Variants in PTPRQ observed in about 807,000 individuals in gnomAD.
PTPRQ encodes the protein protein tyrosine phosphatase receptor type Q, also known as phosphatidylinositol phosphatase PTPRQ.
PTPRQ carries 199 observed loss-of-function variants against 246.0 expected under a neutral mutation model. That is an observed-to-expected ratio of 0.81 (90% CI 0.72 to 0.91). PTPRQ has a LOEUF of 0.91. Among genes scored for constraint, PTPRQ ranks in the 40% least tolerant of loss-of-function variants. The pLI, the probability that PTPRQ is intolerant of heterozygous loss-of-function variation, is 0.00. For synonymous variants in PTPRQ, 869 were observed against 853.2 expected (o/e 1.02, Z -0.32); for missense variants, 2,624 against 2,528.4 (o/e 1.04, Z -0.81).
At chr12:80,460,441 G>A (rs973958870) in intron 5 of PTPRQ, among the ~76,000 whole-genome samples, 2 of 152,092 alleles carry the variant, frequency 1.3e-5, no homozygotes, top group Non-Finnish European at 2.9e-5. Flanking sequence ...ATTCGTAAAG[G>A]TTAAGGTATA....
chr12:80,530,156 A>G (rs1163958545), intron 17 of PTPRQ, among the ~76,000 whole-genome samples: 1 of 152,064 alleles, frequency 6.6e-6, no homozygotes, highest in Non-Finnish European at 1.5e-5. Flanking sequence ...TCTAGTGAAT[A>G]ATTTCCTGGA....
intron 17 of PTPRQ, among the ~76,000 whole-genome samples, chr12:80,524,902 G>A (rs543432093): frequency 2.6e-5 from 4 of 152,192 alleles, no homozygotes; most frequent in African/African-American, 9.6e-5. Context: ...GTTATAATTG[G>A]CCTTTGTTCT....
At chr12:80,554,721 A>G (rs1896593332) in intron 25 of PTPRQ, among the ~76,000 whole-genome samples, 1 of 152,056 alleles carries the variant, frequency 6.6e-6, no homozygotes, top group Admixed American at 6.6e-5. Context: ...CTTGGCATGT[A>G]TTCAATTTAA....
chr12:80,516,530 T>C (rs939541589), intron 17 of PTPRQ, among the ~76,000 whole-genome samples: 7 of 152,158 alleles, frequency 4.6e-5, no homozygotes, highest in African/African-American at 1.7e-4. Flanking sequence ...TGTGAAATAA[T>C]TGAAAAACAC....
chr12:80,564,469 A>C (rs1003596160), intron 25 of PTPRQ, among the ~76,000 whole-genome samples: 1 of 152,186 alleles, frequency 6.6e-6, no homozygotes, highest in Non-Finnish European at 1.5e-5. Context: ...CTTGAAGCAG[A>C]AGTTCATCCA....
At chr12:80,474,205 A>G (rs1413783247) in intron 8 of PTPRQ, among the ~76,000 whole-genome samples, 3 of 152,360 alleles carry the variant, frequency 2.0e-5, no homozygotes, top group Non-Finnish European at 4.4e-5. Flanking sequence ...TCAATTTAAA[A>G]ATGATTTCTT....
At chr12:80,662,927 A>G (rs1387911254) in intron 39 of PTPRQ, among the ~76,000 whole-genome samples, 1 of 152,040 alleles carries the variant, frequency 6.6e-6, no homozygotes, top group Non-Finnish European at 1.5e-5. Flanking sequence ...CAGAAATAGC[A>G]AACAGAATTG....
chr12:80,651,392 G>A (rs1363945842), intron 37 of PTPRQ, among the ~76,000 whole-genome samples: 1 of 152,010 alleles, frequency 6.6e-6, no homozygotes, highest in Non-Finnish European at 1.5e-5. Flanking sequence ...TATAAAAAAG[G>A]TGTCTTTCAG....
chr12:80,584,681 T>C (rs74111009), intron 25 of PTPRQ, among the ~76,000 whole-genome samples: 2,044 of 152,254 alleles, frequency 0.013, 56 homozygotes, highest in African/African-American at 0.047. Context: ...TCTCCACTTT[T>C]ACAATCAGTG....
chr12:80,613,004 G>A (rs910711580), intron 28 of PTPRQ, among the ~76,000 whole-genome samples: 10 of 150,516 alleles, frequency 6.6e-5, no homozygotes, highest in South Asian at 6.2e-4. Flanking sequence ...CTAGGAGAGA[G>A]TTTCTTTAGG....
At chr12:80,530,075 G>A (rs1164049519) in intron 17 of PTPRQ, among the ~76,000 whole-genome samples, 2 of 152,044 alleles carry the variant, frequency 1.3e-5, no homozygotes, top group African/African-American at 4.8e-5. Flanking sequence ...GCTTTGTCCT[G>A]TAGGCCTCCT....
At position 80,605,137 on chromosome 12, in the gene PTPRQ, C is replaced by T. The variant is rs1898268731; in HGVS notation, c.4688C>T (p.Ala1563Val). The part of the protein sequence containing the change: ...FSISISWSEP[A>V]VITGPTCYLI... Reference sequence around the variant, plus strand: ...ATCAGCATAAGCTGGAGTGAACCTGCTGTCATTACTGGACCAACATGTTAT... The same window carrying T: ...ATCAGCATAAGCTGGAGTGAACCTGTTGTCATTACTGGACCAACATGTTAT... Residue 1563 changes from alanine (A) to valine (V), a missense_variant, in exon 27 of 45, where the codon GCT becomes GTT. Physicochemically the swap from Ala to Val is moderately conservative, Grantham distance 64. Coordinates refer to ENST00000644991, the MANE Select transcript of PTPRQ (RefSeq NM_001145026.2). The T allele has an allele frequency of 6.5e-7, 1 of 1,545,622 alleles. No homozygotes were observed. The highest frequency in any genetic ancestry group is 2.5e-5 in the East Asian group (1 of 40,688).
At chr12:80,614,654 G>A (rs953376610) in intron 29 of PTPRQ, among the ~76,000 whole-genome samples, 2 of 150,748 alleles carry the variant, frequency 1.3e-5, no homozygotes, top group Non-Finnish European at 3.0e-5. Flanking sequence ...GTCCCATTAA[G>A]TGGACCACCA....
At chr12:80,657,921 T>A in intron 38 of PTPRQ, 64 bp from the exon 39 acceptor site, 1 of 1,189,240 alleles carries the variant, frequency 8.4e-7, no homozygotes, top group East Asian at 3.1e-5. Flanking sequence ...ATTACTTTTA[T>A]AGTAAAAAAA....
At chr12:80,641,129 C>G (rs886164541) in intron 35 of PTPRQ, among the ~76,000 whole-genome samples, 6 of 152,178 alleles carry the variant, frequency 3.9e-5, no homozygotes, top group African/African-American at 1.4e-4. Flanking sequence ...CGTTATTTCT[C>G]CACTGACCAA....
At chr12:80,544,420 A>G (rs529294285) in intron 23 of PTPRQ, among the ~76,000 whole-genome samples, 1 of 152,320 alleles carries the variant, frequency 6.6e-6, no homozygotes, top group South Asian at 2.1e-4. Flanking sequence ...TTGTATTCTA[A>G]GATTTGTAAA....
In PTPRQ at chr12:80,601,710, C is replaced by A. The variant is rs12582606; in HGVS notation, c.4610-3349C>A. 1.1e-4 allele frequency among the ~76,000 whole-genome samples: 17 copies of A among 151,712 alleles called. No homozygotes were observed. The East Asian group carries it at 3.1e-3, about 28-fold the overall frequency. ...ATTTATACAGAGGTCATATCCCATCCCCTTTTATAGAGTCAGAGGCAGAAG... is the reference window on the plus strand; with the variant it reads ...ATTTATACAGAGGTCATATCCCATCACCTTTTATAGAGTCAGAGGCAGAAG... On this transcript the variant is annotated intron_variant, in intron 26 of 44. Transcript: ENST00000644991.
At chr12:80,444,873 T>G in intron 2 of PTPRQ, 24 bp downstream of exon 2, 1 of 1,494,216 alleles carries the variant, frequency 6.7e-7, no homozygotes, top group African/African-American at 1.4e-5. Context: ...TTAAATTACT[T>G]TGTAAGTAAA....
chr12:80,534,012 C>A lies in PTPRQ; in HGVS notation c.2679-3C>A. On this transcript the variant is annotated splice_region_variant and splice_polypyrimidine_tract_variant and intron_variant, in intron 17 of 44. Coordinates refer to ENST00000644991, the MANE Select transcript of PTPRQ (RefSeq NM_001145026.2). ...TCTACAGATAATATTCTTTTTATCT[C>A]AGGAATAGATCATCATTAAAAACTA... 6.8e-7 allele frequency: 1 copy of A among 1,473,180 alleles called. No homozygotes were observed. Among genetic ancestry groups the A allele is most frequent in the Non-Finnish European group, 9.0e-7 (1 of 1,112,616 alleles). The allele number at this position is 1,473,180 out of a possible 1,614,324, so 91.3% of individuals were successfully genotyped here.
Sources: gnomAD v4.1 joint callset for allele counts (sites outside exome capture counted in the v4.1 genomes callset) on GRCh38, gnomAD v4.1.1 for gene constraint, MANE v1.5 for transcripts, NCBI Gene and HGNC (gene_info 2026-07-23, HGNC 2026-07-21) for gene names.